Variants in STARD13 observed in about 807,000 individuals in gnomAD.
STARD13 encodes StAR related lipid transfer domain containing 13.
A neutral mutation model predicts 106.4 loss-of-function variants in STARD13; 62 were observed. The ratio of observed to expected loss-of-function variants is 0.58; its 90% CI spans 0.48 to 0.72. STARD13 has a LOEUF of 0.72. Ranked by LOEUF, STARD13 falls within the 30% of genes least tolerant of loss-of-function variation. STARD13 has a pLI of 0.00. For missense variants in STARD13, 1,387 were observed against 1,424.0 expected (o/e 0.97, Z 0.42); for synonymous variants, 565 against 553.0 (o/e 1.02, Z -0.31).
At chr13:33,402,467 T>G in the STARD13 span, among the ~76,000 whole-genome samples, 1 of 152,234 alleles carries the variant, frequency 6.6e-6, no homozygotes, top group African/African-American at 2.4e-5. Context: ...GGACAGGAGA[T>G]GGAAATGGCT....
the STARD13 span, among the ~76,000 whole-genome samples, chr13:33,632,872 G>A: frequency 2.0e-5 from 3 of 149,736 alleles, no homozygotes; most frequent in African/African-American, 4.9e-5. Context: ...TTTCTTTCAA[G>A]AGCACAGTGA....
chr13:33,281,389 A>G (rs1420314217), intron 1 of STARD13: 1 of 150,714 alleles, frequency 6.6e-6, no homozygotes, highest in Non-Finnish European at 1.5e-5. Context: ...TTCTACTTAC[A>G]TTTGGGTTTT....
chr13:33,482,983 G>C, the STARD13 span, among the ~76,000 whole-genome samples: 3 of 152,200 alleles, frequency 2.0e-5, no homozygotes, highest in East Asian at 5.8e-4. Context: ...GATTTGCATT[G>C]ATTTGGGGAC....
At chr13:33,385,036 A>AATAT in the STARD13 span, among the ~76,000 whole-genome samples, 1 of 144,008 alleles carries the variant, frequency 6.9e-6, no homozygotes, top group Non-Finnish European at 1.5e-5. Context: ...AAAGGTTCGG[A>AATAT]ATATATATAT....
Position 33,111,802 on chromosome 13 carries a change from G to T in STARD13, c.2583C>A (p.Ile861=). The T allele has an allele frequency of 6.2e-7, 1 of 1,614,010 alleles. No homozygotes were observed. The highest frequency in any genetic ancestry group is 8.5e-7 in the Non-Finnish European group (1 of 1,179,892). ...CCTCAAAAAGTCTGTCGCATTCCAT[G>T]ATCATGTGCGCTAGCCCCTGAGCTG... ...LAAAQGLAHM[I]MECDRLFEVP... is the part of the protein sequence containing the mutation. Residue 861 remains isoleucine (I), a synonymous_variant, in exon 10 of 14, where the codon ATC becomes ATA. Coordinates refer to ENST00000336934, the MANE Select transcript of STARD13 (RefSeq NM_178006.4).
chr13:33,151,606 C>T (rs1490873402), intron 3 of STARD13, among the ~76,000 whole-genome samples: 1 of 152,110 alleles, frequency 6.6e-6, no homozygotes, highest in Non-Finnish European at 1.5e-5. Flanking sequence ...GACATTCAAA[C>T]CATATTGAGG....
chr13:33,376,148 A>G, the STARD13 span, among the ~76,000 whole-genome samples: 1 of 152,152 alleles, frequency 6.6e-6, no homozygotes, highest in Admixed American at 6.5e-5. Context: ...GTGTAAAGCT[A>G]CACCCTAGCT....
chr13:33,111,856 A>G lies in STARD13; in HGVS notation c.2529T>C (p.Asp843=). The G allele has an allele frequency of 1.2e-6, 2 of 1,614,018 alleles. No individual in the cohort carries two copies. Among genetic ancestry groups the G allele is most frequent in the African/African-American group, 1.3e-5 (1 of 75,014 alleles). Reference sequence around the variant, plus strand: ...CCAGATTCTCGTTGAGGTCCTTTTGATCTGGCTTCCCAGTGGCATATTTCT... The same window carrying G: ...CCAGATTCTCGTTGAGGTCCTTTTGGTCTGGCTTCCCAGTGGCATATTTCT... The part of the protein sequence containing the change: ...IQKKYATGKP[D]QKDLNENLAA... The change falls in exon 10 of 14, where the codon GAT becomes GAC. Residue 843 remains aspartate (D), a synonymous_variant. Transcript: ENST00000336934.
the STARD13 span, among the ~76,000 whole-genome samples, chr13:33,616,187 A>T: frequency 7.3e-6 from 1 of 137,576 alleles, no homozygotes; most frequent in Non-Finnish European, 1.5e-5. Context: ...AGGGAAATGG[A>T]GGGGAGAAGG....
intron 7 of STARD13, among the ~76,000 whole-genome samples, chr13:33,123,531 A>G (rs1025812769): frequency 1.3e-5 from 2 of 152,182 alleles, no homozygotes; most frequent in African/African-American, 2.4e-5. Flanking sequence ...GAATAGGTAT[A>G]ATCTATTCTG....
chr13:33,254,632 C>T (rs903013857), intron 1 of STARD13, among the ~76,000 whole-genome samples: 7 of 152,112 alleles, frequency 4.6e-5, no homozygotes, highest in South Asian at 2.1e-4. Context: ...ATATAAATCC[C>T]GAAACCCAGG....
At chr13:33,509,363 C>T in the STARD13 span, among the ~76,000 whole-genome samples, 1 of 152,046 alleles carries the variant, frequency 6.6e-6, no homozygotes, top group Non-Finnish European at 1.5e-5. Flanking sequence ...AAATCTCTGC[C>T]CCATGCTAAA....
rs900596205 is a variant in STARD13 at position 33,130,722 on chromosome 13, C to T, written c.388-433G>A. On this transcript the variant is annotated intron_variant, in intron 4 of 13. Coordinates refer to ENST00000336934, the MANE Select transcript of STARD13 (RefSeq NM_178006.4). This position sits in a 1 kb window ranked among gnomAD's most constrained non-coding sequence, Gnocchi z 4.1. The stretch of plus-strand genomic sequence containing the variant: ...TTCCAGAAACCTCTTCACTGAGCCC[C>T]GGGGACCATATTTCCAGCTTGCCCC... Among the ~76,000 whole-genome samples the T allele has an allele frequency of 2.6e-5, 4 of 152,180 alleles. No individual in the cohort carries two copies. Among genetic ancestry groups the T allele is most frequent in the East Asian group, 1.9e-4 (1 of 5,186 alleles).
At position 33,324,331 on chromosome 13, in the gene STARD13, A is replaced by C. The variant is rs763466509; in HGVS notation, c.124+25959T>G. Among the ~76,000 whole-genome samples, 207 of 152,206 alleles carry C rather than the reference A, an allele frequency of 1.4e-3. 2 individuals carry two copies. The highest frequency in any genetic ancestry group is 1.8e-3 in the Non-Finnish European group (122 of 68,044). ...TGAATCTATTAACTGGCATTTCCCC[A>C]GCTGGGGCATTCCTCAAGTCCTACA... On this transcript the variant is annotated intron_variant, in intron 1 of 5. Coordinates refer to the STARD13 transcript ENST00000567873.
chr13:33,660,096 G>A, the STARD13 span, among the ~76,000 whole-genome samples: 1 of 152,296 alleles, frequency 6.6e-6, no homozygotes, highest in East Asian at 1.9e-4. Context: ...AGGTAGGCAG[G>A]TGTGGCCAGG....
the STARD13 span, among the ~76,000 whole-genome samples, chr13:33,491,315 A>G: frequency 1.3e-5 from 2 of 152,250 alleles, no homozygotes; most frequent in South Asian, 4.1e-4. Context: ...AGACATTAAT[A>G]TAAAATTGAA....
chr13:33,127,905 CAGAG>C (rs1356135670), intron 5 of STARD13, among the ~76,000 whole-genome samples: 1 of 145,596 alleles, frequency 6.9e-6, no homozygotes, highest in Non-Finnish European at 1.5e-5. Flanking sequence ...GAGAGAGAAA[CAGAG>C]GGAGAGAGAG....
At chr13:33,556,666 G>A in the STARD13 span, among the ~76,000 whole-genome samples, 1 of 152,096 alleles carries the variant, frequency 6.6e-6, no homozygotes, top group African/African-American at 2.4e-5. Flanking sequence ...CTGGATTTAT[G>A]GTGGATTACC....
At chr13:33,161,991 C>T (rs1161657141) in intron 3 of STARD13, among the ~76,000 whole-genome samples, 1 of 152,150 alleles carries the variant, frequency 6.6e-6, no homozygotes. Context: ...AATTATCTCC[C>T]ACCGGGTCCC....
Sources: allele counts gnomAD v4.1 joint callset (sites outside exome capture counted in the v4.1 genomes callset), GRCh38; gene constraint gnomAD v4.1.1; non-coding constraint Gnocchi (gnomAD v3.1); transcripts MANE v1.5; gene names NCBI Gene and HGNC (gene_info 2026-07-23, HGNC 2026-07-21).